Variants in TPTE2 observed in about 807,000 individuals in gnomAD.
The protein encoded by TPTE2 is phosphatidylinositol 3,4,5-trisphosphate 3-phosphatase TPTE2.
TPTE2 carries 53 observed loss-of-function variants against 78.6 expected under a neutral mutation model. The ratio of observed to expected loss-of-function variants is 0.67; its 90% CI spans 0.54 to 0.85. TPTE2 has a LOEUF of 0.85. TPTE2 is among the 40% of genes least tolerant of loss of function. The pLI is 0.00. For synonymous variants in TPTE2, 175 were observed against 206.2 expected (o/e 0.85, Z 1.30); for missense variants, 461 against 623.0 (o/e 0.74, Z 2.77).
rs147020744 is a variant in TPTE2, at chr13:19,495,375, C to A, written c.12-1874G>T. Among the ~76,000 whole-genome samples, 363 of 152,290 alleles carry A rather than the reference C, an allele frequency of 2.4e-3. 2 individuals are homozygous for A. The highest frequency in any genetic ancestry group is 7.7e-3 in the African/African-American group (322 of 41,556). On this transcript the variant is annotated intron_variant, in intron 1 of 19. Coordinates refer to ENST00000400230, the Ensembl canonical transcript of TPTE2. ...TCTTTGTCCACTCCTATCTCCTTCT[C>A]GCTGCAAGCAGGATTCGCTTCTCCC...
chr13:19,561,225 T>C, the TPTE2 span: 1 of 1,385,404 alleles, frequency 7.2e-7, no homozygotes, highest in South Asian at 1.3e-5. Context: ...TGCCATGATG[T>C]AGTGGCTCAC....
At chr13:19,456,721 C>T (rs1878557382) in intron 10 of TPTE2, among the ~76,000 whole-genome samples, 1 of 152,058 alleles carries the variant, frequency 6.6e-6, no homozygotes, top group African/African-American at 2.4e-5. Flanking sequence ...CAAGTCTCTC[C>T]AAATTAAGCT....
chr13:19,489,048 G>C (rs893089437), intron 3 of TPTE2, among the ~76,000 whole-genome samples: 1 of 152,054 alleles, frequency 6.6e-6, no homozygotes. Context: ...GAGGCCCAAG[G>C]AGAAGGAGAA....
chr13:19,464,625 CT>C, intron 9 of TPTE2, 105 bp from the exon 13 acceptor site: 1 of 1,275,852 alleles, frequency 7.8e-7, no homozygotes. Context: ...AGAAAAAAAA[CT>C]TTTAAAATTG....
intron 6 of TPTE2, among the ~76,000 whole-genome samples, chr13:19,470,535 A>AT (rs1337506079): frequency 3.3e-5 from 5 of 150,872 alleles, no homozygotes; most frequent in South Asian, 2.1e-4. Flanking sequence ...TTTTATTTTT[A>AT]TTTTTTTTGA....
intron 1 of TPTE2, among the ~76,000 whole-genome samples, chr13:19,533,194 A>AAC (rs1870988382): frequency 6.6e-6 from 1 of 152,338 alleles, no homozygotes; most frequent in Admixed American, 6.5e-5. Context: ...CAACAGAGAA[A>AAC]ACTCATTAAG....
the TPTE2 span, among the ~76,000 whole-genome samples, chr13:19,559,516 T>C: frequency 6.7e-6 from 1 of 148,984 alleles, no homozygotes; most frequent in Non-Finnish European, 1.5e-5. Flanking sequence ...GGCTGGAGCC[T>C]GCTTGGAGTT....
In TPTE2 at chr13:19,484,242, T is replaced by A. The variant is rs1216625475; in HGVS notation, c.120-1695A>T. ...CTCATTGTAACTCAAGGGCATGTTG[T>A]TTAATTTCCATATGTCTGTATAGTT... is the stretch of plus-strand genomic sequence containing the variant. On this transcript the variant is annotated intron_variant, in intron 3 of 19. Transcript: ENST00000400230. Among the ~76,000 whole-genome samples the A allele has an allele frequency of 2.0e-5, 3 of 152,328 alleles. 1 individual carries two copies. In the South Asian group the frequency reaches 6.2e-4, roughly 32 times the overall value.
chr13:19,475,169 T>C (rs1353673723), intron 5 of TPTE2, among the ~76,000 whole-genome samples: 3 of 152,166 alleles, frequency 2.0e-5, no homozygotes, highest in Non-Finnish European at 2.9e-5. Flanking sequence ...TGTTTCTCAT[T>C]GAAGTATTAA....
intron 10 of TPTE2, chr13:19,458,595 C>A: frequency 2.2e-6 from 1 of 460,040 alleles, no homozygotes; most frequent in Non-Finnish European, 4.4e-6. Context: ...ATGGCCTGAC[C>A]TGTCTTCCAC....
chr13:19,468,349 A>G (rs1566053507), intron 6 of TPTE2, among the ~76,000 whole-genome samples: 1 of 151,816 alleles, frequency 6.6e-6, no homozygotes. Context: ...CCAGGATCTT[A>G]TTGTTTTTTA....
At chr13:19,513,307 TA>T (rs1302091986) in intron 1 of TPTE2, among the ~76,000 whole-genome samples, 2 of 152,236 alleles carry the variant, frequency 1.3e-5, no homozygotes, top group East Asian at 3.8e-4. Flanking sequence ...TCCTTGAATC[TA>T]AAAGATATGG....
At chr13:19,497,246 C>A (rs1881396045) in intron 1 of TPTE2, among the ~76,000 whole-genome samples, 1 of 145,008 alleles carries the variant, frequency 6.9e-6, no homozygotes, top group South Asian at 2.5e-4. Context: ...ATTGCCCAGG[C>A]TTGATTAGGT....
chr13:19,473,396 C>T (rs1013508029), intron 6 of TPTE2, among the ~76,000 whole-genome samples: 16 of 152,078 alleles, frequency 1.1e-4, no homozygotes, highest in South Asian at 2.1e-4. Flanking sequence ...TATTGTGCTA[C>T]GGCTGAGCTG....
At chr13:19,502,649 G>A (rs9578068) in intron 1 of TPTE2, among the ~76,000 whole-genome samples, 18,357 of 144,910 alleles carry the variant, frequency 0.13, 1,337 homozygotes, top group African/African-American at 0.18. Context: ...GGACTGTTGT[G>A]GGGTAGGGGG....
chr13:19,439,222 A>G (rs968529183), intron 13 of TPTE2, among the ~76,000 whole-genome samples: 2 of 152,150 alleles, frequency 1.3e-5, no homozygotes, highest in African/African-American at 4.8e-5. Flanking sequence ...CCAATAAACA[A>G]GGATCAAGTA....
chr13:19,427,815 C>T (rs1283323252), intron 17 of TPTE2, among the ~76,000 whole-genome samples: 1 of 152,214 alleles, frequency 6.6e-6, no homozygotes, highest in Non-Finnish European at 1.5e-5. Context: ...AGTTCTTTGA[C>T]TCATTCTCAT....
At chr13:19,505,320 T>C (rs930248163), upstream of TPTE2, among the ~76,000 whole-genome samples, 1 of 152,074 alleles carries the variant, frequency 6.6e-6, no homozygotes, top group Non-Finnish European at 1.5e-5. Context: ...TTTGTATTTT[T>C]AGTAGAGACA....
At chr13:19,521,568 C>T (rs1870154010) in intron 1 of TPTE2, among the ~76,000 whole-genome samples, 1 of 152,008 alleles carries the variant, frequency 6.6e-6, no homozygotes, top group African/African-American at 2.4e-5. Context: ...CCATTTAATA[C>T]AATCATTGAT....
Sources: gnomAD v4.1 joint callset for allele counts (sites outside exome capture counted in the v4.1 genomes callset) on GRCh38, gnomAD v4.1.1 for gene constraint, MANE v1.5 for transcripts, NCBI Gene and HGNC (gene_info 2026-07-23, HGNC 2026-07-21) for gene names.